ZNF442: variants seen among roughly 807,000 people sequenced by gnomAD.
The protein encoded by ZNF442 is zinc finger protein 442.
A neutral mutation model predicts 57.0 loss-of-function variants in ZNF442; 45 were observed. The ratio of observed to expected loss-of-function variants is 0.79; its 90% CI spans 0.62 to 1.01. The LOEUF is 1.01. Ranked by LOEUF, ZNF442 falls within the 50% of genes least tolerant of loss-of-function variation. The pLI is 0.00. For missense variants in ZNF442, 690 were observed against 756.5 expected, an observed-to-expected ratio of 0.91 and a Z score of 1.03; for synonymous variants, 213 against 241.8, an observed-to-expected ratio of 0.88 and a Z score of 1.10.
At chr19:12,351,791 C>A (rs976007285) in intron 5 of ZNF442, 2 of 472,184 alleles carry the variant, frequency 4.2e-6, no homozygotes, top group African/African-American at 3.9e-5. Context: ...GCGTGAGCCA[C>A]CGTGCCCAGC....
In ZNF442 at chr19:12,353,026, T is replaced by C; in HGVS notation, c.167A>G (p.Asp56Gly). The change falls in exon 4 of 6, where the codon GAT (aspartate) becomes GGT (glycine). Residue 56 changes from aspartate (D) to glycine (G), a missense_variant. Physicochemically the swap from Asp to Gly is moderately conservative, Grantham distance 94. Coordinates refer to ENST00000242804, the MANE Select transcript of ZNF442 (RefSeq NM_030824.3). The stretch of plus-strand genomic sequence containing the variant: ...GTTCCTAATGGTTTCCCACATCACA[T>C]CTCTGTACAGACTCTTCTGTGATGG... ...LGPSQKSLYR[D>G]VMWETIRNLD... is the part of the protein sequence containing the mutation. The C allele has an allele frequency of 6.2e-7, 1 of 1,613,206 alleles. No homozygotes were observed. Among genetic ancestry groups the C allele is most frequent in the Non-Finnish European group, 8.5e-7 (1 of 1,179,754 alleles).
chr19:12,366,258 T>C (rs1302746809), upstream of ZNF442, among the ~76,000 whole-genome samples: 2 of 152,198 alleles, frequency 1.3e-5, no homozygotes, highest in African/African-American at 4.8e-5. Flanking sequence ...AGTAATCTTC[T>C]ATAAAGGAAT....
chr19:12,356,931 A>T (rs1969340972), intron 3 of ZNF442, among the ~76,000 whole-genome samples: 1 of 152,198 alleles, frequency 6.6e-6, no homozygotes, highest in Admixed American at 6.5e-5. Flanking sequence ...TATCCCAATG[A>T]GTTAAAAAAG....
rs188143528 is a variant in ZNF442, at chr19:12,347,770, C to G, written c.*1931G>C. ...GGCTGTAAGAGAAGTTTGCACCTGA[C>G]CCTGCCGCTGGAAGCCCTTCTCAGG... On this transcript the variant is annotated 3_prime_UTR_variant, in exon 6 of 6. Coordinates refer to ENST00000242804, the MANE Select transcript of ZNF442 (RefSeq NM_030824.3). 9 of 152,350 alleles carry G rather than the reference C, an allele frequency of 5.9e-5. No individual in the cohort carries two copies. The East Asian group carries it at 1.5e-3, about 26-fold the overall frequency. 9.4% of individuals were successfully genotyped at this position (152,350 alleles called of 1,614,324 possible).
chr19:12,365,417 C>A (rs1969515889), intron 1 of ZNF442, 116 bp downstream of exon 1: 2 of 274,136 alleles, frequency 7.3e-6, no homozygotes, highest in South Asian at 4.7e-5. Flanking sequence ...CAGGGGAACT[C>A]GGGTCCACAG....
rs1163006195 is a variant in ZNF442, at chr19:12,346,377, C to G, written c.*3324G>C. 1 of 151,938 alleles carries G rather than the reference C, an allele frequency of 6.6e-6. No homozygotes were observed. Among genetic ancestry groups the G allele is most frequent in the Non-Finnish European group, 1.5e-5 (1 of 67,984 alleles). 9.4% of individuals were successfully genotyped at this position (151,938 alleles called of 1,614,324 possible). A position where few individuals can be genotyped will look rare whatever the true frequency, so the allele number is the denominator to read the frequency against. On this transcript the variant is annotated 3_prime_UTR_variant, in exon 6 of 6. Transcript: ENST00000242804. ...TATTGGTCATTAGGGAAATGCAAAT[C>G]AAAACCACAATGAAAAAGCAGTACA...
At chr19:12,355,736 G>A (rs1254071758) in intron 3 of ZNF442, among the ~76,000 whole-genome samples, 1 of 151,708 alleles carries the variant, frequency 6.6e-6, no homozygotes, top group Non-Finnish European at 1.5e-5. Flanking sequence ...GAGAGGCCAA[G>A]GCAAGTGGAT....
chr19:12,367,407 T>G (rs1488305830), upstream of ZNF442, among the ~76,000 whole-genome samples: 1 of 152,168 alleles, frequency 6.6e-6, no homozygotes. Context: ...TTAGAATTAC[T>G]GATGAGGGTC....
rs1170446736 is a variant in ZNF442, at chr19:12,353,044, T to C, written c.149A>G (p.Gln50Arg). The change falls in exon 4 of 6, where the codon CAG becomes CGG. Residue 50 changes from glutamine to arginine, a missense_variant. Transcript: ENST00000242804. The part of the protein sequence containing the change: ...QEEWALLGPS[Q>R]KSLYRDVMWE... Reference sequence around the variant, plus strand: ...CATCACATCTCTGTACAGACTCTTCTGTGATGGACCCAGCAAAGCCCACTC... The same window carrying C: ...CATCACATCTCTGTACAGACTCTTCCGTGATGGACCCAGCAAAGCCCACTC... The C allele has an allele frequency of 6.2e-7, 1 of 1,613,726 alleles. No individual in the cohort carries two copies. Among genetic ancestry groups the C allele is most frequent in the African/African-American group, 1.3e-5 (1 of 75,002 alleles).
intron 3 of ZNF442, among the ~76,000 whole-genome samples, chr19:12,354,201 A>T (rs1969288571): frequency 6.6e-6 from 1 of 152,210 alleles, no homozygotes. Context: ...TTGGGGATTC[A>T]GCCCATCCTA....
chr19:12,360,920 G>A (rs1034810920), intron 3 of ZNF442, among the ~76,000 whole-genome samples: 12 of 152,202 alleles, frequency 7.9e-5, no homozygotes, highest in African/African-American at 2.6e-4. Flanking sequence ...GGCTGGGAGC[G>A]GTGGCTCAAG....
chr19:12,363,524 A>G (rs771271785), intron 3 of ZNF442, 30 bp downstream of exon 3: 1 of 1,609,750 alleles, frequency 6.2e-7, no homozygotes, highest in East Asian at 2.2e-5. Flanking sequence ...TTCTTGCACA[A>G]CTGGAATGAG....
At chr19:12,351,348 G>T in intron 5 of ZNF442, 30 bp from the exon 6 acceptor site, 1 of 1,556,344 alleles carries the variant, frequency 6.4e-7, no homozygotes, top group Non-Finnish European at 8.7e-7. Flanking sequence ...TATTAATAAA[G>T]GTTTATTTAT....
Position 12,346,994 on chromosome 19 carries a change from C to T in ZNF442, c.*2707G>A, listed in dbSNP as rs1443415638. 1 of 152,158 alleles carries T rather than the reference C, an allele frequency of 6.6e-6. No individual in the cohort carries two copies. The highest frequency in any genetic ancestry group is 1.5e-5 in the Non-Finnish European group (1 of 68,030). 9.4% of individuals were successfully genotyped at this position (152,158 alleles called of 1,614,324 possible). A position where few individuals can be genotyped will look rare whatever the true frequency, so the allele number is the denominator to read the frequency against. On this transcript the variant is annotated 3_prime_UTR_variant, in exon 6 of 6. Transcript: ENST00000242804. ...CACTAAGTAGATAGAGCAAGTAGCACAGTAACACGTATAAAATGATCCCTT... is the reference window on the plus strand; with the variant it reads ...CACTAAGTAGATAGAGCAAGTAGCATAGTAACACGTATAAAATGATCCCTT...
upstream of ZNF442, among the ~76,000 whole-genome samples, chr19:12,366,865 G>A (rs1037386291): frequency 2.0e-5 from 3 of 152,174 alleles, no homozygotes; most frequent in Non-Finnish European, 2.9e-5. Context: ...GAACTCCTGA[G>A]CTCAGGCAAT....
the ZNF442 span, chr19:12,373,760 G>A: frequency 5.2e-6 from 1 of 193,318 alleles, no homozygotes; most frequent in Admixed American, 4.8e-5. Context: ...GTTATCCAAA[G>A]CACCTACCCA....
chr19:12,351,215 T>C lies in ZNF442; in HGVS notation c.370A>G (p.Ile124Val), dbSNP rs769610141. 10 of 1,614,076 alleles carry C rather than the reference T, an allele frequency of 6.2e-6. No individual in the cohort carries two copies. The highest frequency in any genetic ancestry group is 8.5e-6 in the Non-Finnish European group (10 of 1,180,042). Residue 124 changes from isoleucine (I) to valine (V), a missense_variant, in exon 6 of 6, where the codon ATC becomes GTC. Physicochemically the swap from Ile to Val is conservative, Grantham distance 29 (BLOSUM62 3). Coordinates refer to ENST00000242804, the MANE Select transcript of ZNF442 (RefSeq NM_030824.3). ...DPCKSSVCGE[I>V]MGCSFLNCYI... ...CAATTAAGGAATGAACAACCCATGA[T>C]TTCTCCACACACACTGCTTTTACAT...
At chr19:12,368,284 AAAGT>A (rs1969554238), upstream of ZNF442, among the ~76,000 whole-genome samples, 1 of 152,250 alleles carries the variant, frequency 6.6e-6, no homozygotes, top group Non-Finnish European at 1.5e-5. Flanking sequence ...TTAAGAGATT[AAAGT>A]AAGACAGGCA....
In ZNF442 at chr19:12,350,743, A is replaced by G; in HGVS notation, c.842T>C (p.Val281Ala). ...TCCAGTGTGAGTTCTTTCATGTCTT[A>G]CATAGGAACTGTAATCAGGGAAGGC... ...SKAFPDYSSY[V>A]RHERTHTGEK... is the part of the protein sequence containing the mutation. Residue 281 changes from valine (V) to alanine (A), a missense_variant, in exon 6 of 6, where the codon GTA becomes GCA. Coordinates refer to ENST00000242804, the MANE Select transcript of ZNF442 (RefSeq NM_030824.3). The G allele has an allele frequency of 6.2e-7, 1 of 1,613,676 alleles. No homozygotes were observed. Among genetic ancestry groups the G allele is most frequent in the African/African-American group, 1.3e-5 (1 of 74,842 alleles).
Sources: gnomAD v4.1 joint callset for allele counts (sites outside exome capture counted in the v4.1 genomes callset) on GRCh38, gnomAD v4.1.1 for gene constraint, MANE v1.5 for transcripts, NCBI Gene and HGNC (gene_info 2026-07-23, HGNC 2026-07-21) for gene names.